NRG3: variants seen among roughly 807,000 people sequenced by gnomAD.
The protein encoded by NRG3 is neuregulin 3.
NRG3 carries 31 observed loss-of-function variants against 66.9 expected under a neutral mutation model. The observed-to-expected ratio is 0.46, with a 90% CI of 0.35 to 0.63. The LOEUF is 0.63. Ranked by LOEUF, NRG3 falls within the 20% of genes least tolerant of loss-of-function variation. The pLI, the probability that NRG3 is intolerant of heterozygous loss-of-function variation, is 0.00. For missense variants in NRG3, 910 were observed against 878.9 expected (o/e 1.04, Z -0.45); for synonymous variants, 393 against 359.4 (o/e 1.09, Z -1.06).
chr10:82,770,059 A>G (rs887676431), intron 3 of NRG3, among the ~76,000 whole-genome samples: 3 of 152,112 alleles, frequency 2.0e-5, no homozygotes, highest in Non-Finnish European at 4.4e-5. Context: ...AGCAACCATG[A>G]ACTCCACACC....
chr10:82,579,676 C>A (rs1164439813), intron 2 of NRG3, among the ~76,000 whole-genome samples: 1 of 151,954 alleles, frequency 6.6e-6, no homozygotes, highest in Non-Finnish European at 1.5e-5. Flanking sequence ...CTTGCTTCAA[C>A]TCCATGTTGT....
chr10:82,721,390 G>C (rs533859589), intron 2 of NRG3, among the ~76,000 whole-genome samples: 1 of 150,866 alleles, frequency 6.6e-6, no homozygotes, highest in Non-Finnish European at 1.5e-5. Flanking sequence ...CGCCTGCTTC[G>C]GCCTCCCAAA....
intron 1 of NRG3, among the ~76,000 whole-genome samples, chr10:82,124,077 C>G (rs2132405562): frequency 6.6e-6 from 1 of 152,160 alleles, no homozygotes; most frequent in East Asian, 1.9e-4. Flanking sequence ...TCTACTTCAT[C>G]ACAGTGATCT....
intron 3 of NRG3, among the ~76,000 whole-genome samples, chr10:82,804,536 T>C (rs973615910): frequency 2.0e-5 from 3 of 152,194 alleles, no homozygotes; most frequent in Non-Finnish European, 1.5e-5. Context: ...AAGTGCTCAA[T>C]AAATGCTAGC....
chr10:82,015,755 C>T (rs961536637), intron 1 of NRG3, among the ~76,000 whole-genome samples: 1 of 151,822 alleles, frequency 6.6e-6, no homozygotes, highest in African/African-American at 2.4e-5. Context: ...TCTGTCTTCA[C>T]TATTTACTAG....
At chr10:81,881,923 G>A (rs1842218210) in intron 1 of NRG3, among the ~76,000 whole-genome samples, 2 of 151,950 alleles carry the variant, frequency 1.3e-5, no homozygotes, top group South Asian at 4.2e-4. Context: ...CTTGCCCTGG[G>A]AATCTCTTGC....
At chr10:81,950,603 T>C (rs1030447185) in intron 1 of NRG3, among the ~76,000 whole-genome samples, 1 of 152,174 alleles carries the variant, frequency 6.6e-6, no homozygotes, top group African/African-American at 2.4e-5. Context: ...CAAGCCTCAT[T>C]GTACGGGAAG....
At chr10:82,038,989 AG>A (rs1174964259) in intron 1 of NRG3, among the ~76,000 whole-genome samples, 1 of 152,140 alleles carries the variant, frequency 6.6e-6, no homozygotes, top group Admixed American at 6.6e-5. Flanking sequence ...GTGCTAAGGA[AG>A]TCTATGGAAA....
intron 3 of NRG3, among the ~76,000 whole-genome samples, chr10:82,780,419 G>T (rs1170834895): frequency 1.4e-5 from 2 of 142,956 alleles, no homozygotes; most frequent in African/African-American, 2.6e-5. Context: ...AAGAACTTTT[G>T]TTGACAAATA....
At chr10:82,272,073 T>G (rs1377439847) in intron 1 of NRG3, among the ~76,000 whole-genome samples, 1 of 152,092 alleles carries the variant, frequency 6.6e-6, no homozygotes, top group Admixed American at 6.6e-5. Flanking sequence ...ACAACCATGC[T>G]GCAATTTTAG....
chr10:82,874,687 A>G (rs1040794649), intron 4 of NRG3, among the ~76,000 whole-genome samples: 1 of 152,312 alleles, frequency 6.6e-6, no homozygotes, highest in East Asian at 1.9e-4. Context: ...TTATATCGCT[A>G]TCTTACAAAT....
intron 2 of NRG3, among the ~76,000 whole-genome samples, chr10:82,366,888 G>A (rs2084564383): frequency 6.6e-6 from 1 of 151,988 alleles, no homozygotes; most frequent in South Asian, 2.1e-4. Flanking sequence ...ATTCTTAATG[G>A]CATAAAATAA....
rs371901776 is a variant in NRG3, at chr10:82,473,691, A to T, written c.953+114823A>T. ...TGAGGGAGTTGGTGGCCCAGTCCTCAGCTCCCTTCGGTGAACTGAAGATTG... is the reference window on the plus strand; with the variant it reads ...TGAGGGAGTTGGTGGCCCAGTCCTCTGCTCCCTTCGGTGAACTGAAGATTG... On this transcript the variant is annotated intron_variant, in intron 2 of 8. Coordinates refer to ENST00000372141, the MANE Select transcript of NRG3 (RefSeq NM_001010848.4). Among the ~76,000 whole-genome samples, 21 of 152,208 alleles carry T rather than the reference A, an allele frequency of 1.4e-4. 1 individual carries two copies. The East Asian group carries it at 2.1e-3, about 15-fold the overall frequency.
At chr10:82,153,624 C>G (rs952673799) in intron 1 of NRG3, among the ~76,000 whole-genome samples, 1 of 151,746 alleles carries the variant, frequency 6.6e-6, no homozygotes, top group Non-Finnish European at 1.5e-5. Context: ...TAATTTGGGG[C>G]GGGGGAACCA....
intron 1 of NRG3, among the ~76,000 whole-genome samples, chr10:82,292,971 C>G (rs928738429): frequency 7.2e-5 from 11 of 152,038 alleles, no homozygotes; most frequent in Admixed American, 6.6e-5. Flanking sequence ...AAGATATTAC[C>G]TTTGGGAGAA....
intron 3 of NRG3, among the ~76,000 whole-genome samples, chr10:82,835,449 CA>C (rs2062727294): frequency 6.6e-6 from 1 of 152,104 alleles, no homozygotes; most frequent in Non-Finnish European, 1.5e-5. Flanking sequence ...CAACTATTAT[CA>C]AAGGAAACAG....
intron 1 of NRG3, among the ~76,000 whole-genome samples, chr10:81,961,493 GAACTAATGA>G (rs1850360047): frequency 6.6e-6 from 1 of 151,974 alleles, no homozygotes; most frequent in Non-Finnish European, 1.5e-5. Context: ...ATGAACTAAT[GAACTAATGA>G]ACTAATACTA....
intron 2 of NRG3, among the ~76,000 whole-genome samples, chr10:82,585,165 TA>T (rs2046598187): frequency 6.6e-6 from 1 of 152,078 alleles, no homozygotes; most frequent in South Asian, 2.1e-4. Context: ...TCTCAACTCA[TA>T]AGGTTTTTTT....
At chr10:82,080,022 T>C (rs547582177) in intron 1 of NRG3, among the ~76,000 whole-genome samples, 7 of 152,214 alleles carry the variant, frequency 4.6e-5, no homozygotes, top group Admixed American at 1.3e-4. Flanking sequence ...GCATGCCTTT[T>C]TCTTTGGAGA....
Sources: gnomAD v4.1 joint callset for allele counts (sites outside exome capture counted in the v4.1 genomes callset) on GRCh38, gnomAD v4.1.1 for gene constraint, MANE v1.5 for transcripts, NCBI Gene and HGNC (gene_info 2026-07-23, HGNC 2026-07-21) for gene names.